CYP2E1: variants seen among roughly 807,000 people sequenced by gnomAD.
The protein encoded by CYP2E1 is cytochrome P450 family 2 subfamily E member 1, also known as cytochrome P450 2E1.
Under a neutral mutation model 42.9 loss-of-function variants are expected in CYP2E1, and 31 were observed. The ratio of observed to expected loss-of-function variants is 0.72; its 90% confidence interval spans 0.54 to 0.98. The LOEUF is 0.98. CYP2E1 is among the 50% of genes least tolerant of loss of function. The pLI is 0.00. For synonymous variants in CYP2E1, 244 were observed against 248.9 expected, an observed-to-expected ratio of 0.98 and a Z score of 0.19; for missense variants, 565 against 633.2, an observed-to-expected ratio of 0.89 and a Z score of 1.16.
intron 8 of CYP2E1, among the ~76,000 whole-genome samples, chr10:133,538,530 G>T (rs41299440): frequency 6.6e-6 from 1 of 152,148 alleles, no homozygotes; most frequent in African/African-American, 2.4e-5. Flanking sequence ...ACTTAACACC[G>T]GTTTTTGCAG....
chr10:133,528,434 C>T (rs1361030717), intron 1 of CYP2E1, 47 bp from the exon 2 acceptor site: 2 of 1,605,366 alleles, frequency 1.2e-6, no homozygotes, highest in East Asian at 2.2e-5. Context: ...AGCCCCGCAC[C>T]TCCTCGCCGC....
rs370079094 is a variant in CYP2E1 at position 133,537,045 on chromosome 10, C to G, written c.968-18C>G. 6.2e-7 allele frequency: 1 copy of G among 1,607,072 alleles called. No individual in the cohort carries two copies. The highest frequency in any genetic ancestry group is 1.1e-5 in the South Asian group (1 of 90,188). ...CAGGAACCAATCCCTGAAATTTGTC[C>G]CATTCATATCTTGGCAGAGAAGCTC... On this transcript the variant is annotated intron_variant, in intron 6 of 8. Coordinates refer to ENST00000252945, the MANE Select transcript of CYP2E1 (RefSeq NM_000773.4).
chr10:133,537,304 G>A (rs952916983), intron 7 of CYP2E1, 54 bp downstream of exon 7: 35 of 1,567,188 alleles, frequency 2.2e-5, no homozygotes, highest in African/African-American at 9.5e-5. Context: ...TCAGCTAATC[G>A]CCTTCCTGCC....
At chr10:133,531,052 C>T (rs1395808997) in intron 2 of CYP2E1, among the ~76,000 whole-genome samples, 1 of 152,154 alleles carries the variant, frequency 6.6e-6, no homozygotes, top group Non-Finnish European at 1.5e-5. Context: ...TTGGTTTTCC[C>T]AGCTCTGATG....
chr10:133,528,392 A>G, intron 1 of CYP2E1, 89 bp from the exon 2 acceptor site: 1 of 1,496,054 alleles, frequency 6.7e-7, no homozygotes, highest in Non-Finnish European at 9.1e-7. Context: ...CTAGAGCAAC[A>G]GCAATACCCG....
rs886491922 is a variant in CYP2E1 at position 133,529,849 on chromosome 10, T to C, written c.337+1209T>C. ...AATTAGTGGCATTTGGTTTTCCTTCTTCTGCATTGTGGGTTTTACTTCTCT... is the reference window on the plus strand; with the variant it reads ...AATTAGTGGCATTTGGTTTTCCTTCCTCTGCATTGTGGGTTTTACTTCTCT... On this transcript the variant is annotated intron_variant, in intron 2 of 8. Coordinates refer to ENST00000252945, the MANE Select transcript of CYP2E1 (RefSeq NM_000773.4). Among the ~76,000 whole-genome samples, 6 of 152,300 alleles carry C rather than the reference T, an allele frequency of 3.9e-5. No individual in the cohort carries two copies. The East Asian group carries it at 7.7e-4, about 20-fold the overall frequency.
rs59981143 is a variant in CYP2E1 at position 133,537,212 on chromosome 10, A to G, written c.1117A>G (p.Thr373Ala). 1.4e-4 allele frequency: 232 copies of G among 1,614,000 alleles called. No homozygotes were observed. The African/African-American group carries it at 2.7e-3, about 19-fold the overall frequency. ...GCCCTCCAACCTGCCCCATGAAGCAACCCGAGACACCATTTTCAGAGGATA... is the reference window on the plus strand; with the variant it reads ...GCCCTCCAACCTGCCCCATGAAGCAGCCCGAGACACCATTTTCAGAGGATA... ...LVPSNLPHEA[T>A]RDTIFRGYLI... Residue 373 changes from threonine to alanine, a missense_variant, in exon 7 of 9, where the codon ACC (threonine) becomes GCC (alanine). Physicochemically the swap from Thr to Ala is moderately conservative, Grantham distance 58 (BLOSUM62 0). Transcript: ENST00000252945.
Position 133,533,860 on chromosome 10 carries a change from T to C in CYP2E1, c.930T>C (p.Tyr310=). The C allele has an allele frequency of 6.2e-7, 1 of 1,614,120 alleles. No individual in the cohort carries two copies. Among genetic ancestry groups the C allele is most frequent in the East Asian group, 2.2e-5 (1 of 44,882 alleles). Reference sequence around the variant, plus strand: ...AGACCACCAGCACAACTCTGAGATATGGGCTCCTGATTCTCATGAAATACC... The same window carrying C: ...AGACCACCAGCACAACTCTGAGATACGGGCTCCTGATTCTCATGAAATACC... The part of the protein sequence containing the change: ...GTETTSTTLR[Y]GLLILMKYPE... The change falls in exon 6 of 9, where the codon TAT becomes TAC. Residue 310 remains tyrosine, a synonymous_variant. Transcript: ENST00000252945.
chr10:133,533,067 T>C (rs1039033378), intron 5 of CYP2E1, among the ~76,000 whole-genome samples, 199 bp downstream of exon 5: 1 of 152,214 alleles, frequency 6.6e-6, no homozygotes, highest in African/African-American at 2.4e-5. Flanking sequence ...GGCCTGGGGC[T>C]TTGGGGTCAC....
chr10:133,534,939 A>G (rs1851380457), intron 6 of CYP2E1, among the ~76,000 whole-genome samples: 1 of 151,196 alleles, frequency 6.6e-6, no homozygotes, highest in Non-Finnish European at 1.5e-5. Context: ...ATCATGGCTC[A>G]TTGTAGCTTC....
At chr10:133,531,845 A>T (rs1278529366) in intron 3 of CYP2E1, 111 bp downstream of exon 3, 1 of 1,184,980 alleles carries the variant, frequency 8.4e-7, no homozygotes. Context: ...ACGGACAAGG[A>T]GAGGGTCTCG....
intron 7 of CYP2E1, 39 bp from the exon 8 acceptor site, chr10:133,537,712 G>C: frequency 1.3e-6 from 2 of 1,582,942 alleles, no homozygotes; most frequent in Non-Finnish European, 1.7e-6. Context: ...CCCACATTTT[G>C]TTAACATGAC....
chr10:133,536,972 A>G (rs1232118860), intron 6 of CYP2E1, 91 bp from the exon 7 acceptor site: 2 of 1,229,782 alleles, frequency 1.6e-6, no homozygotes, highest in Admixed American at 1.8e-5. Flanking sequence ...AGATGGATAA[A>G]AGCGTGATTG....
At chr10:133,535,332 C>G (rs1851383978) in intron 6 of CYP2E1, among the ~76,000 whole-genome samples, 1 of 150,208 alleles carries the variant, frequency 6.7e-6, no homozygotes, top group African/African-American at 2.4e-5. Flanking sequence ...AAGAATCAGT[C>G]TAAAAAAAAA....
intron 3 of CYP2E1, 46 bp downstream of exon 3, chr10:133,531,780 C>A: frequency 6.5e-7 from 1 of 1,531,794 alleles, no homozygotes; most frequent in Non-Finnish European, 8.8e-7. Context: ...TGCAGACCAG[C>A]GGTGTGGGGA....
Position 133,528,647 on chromosome 10 carries a change from C to G in CYP2E1, c.337+7C>G, listed in dbSNP as rs755576271. The G allele has an allele frequency of 3.7e-6, 6 of 1,612,798 alleles. No homozygotes were observed. Among genetic ancestry groups the G allele is most frequent in the Non-Finnish European group, 5.1e-6 (6 of 1,179,878 alleles). On this transcript the variant is annotated splice_region_variant and intron_variant, in intron 2 of 8. Transcript: ENST00000252945. ...CATGCGCACAGGGACAGGGGTGAGT[C>G]CGCGTCCCTGGCACGGAGCGGGGGG...
intron 2 of CYP2E1, among the ~76,000 whole-genome samples, chr10:133,529,310 C>T (rs1851310181): frequency 6.6e-6 from 1 of 152,224 alleles, no homozygotes; most frequent in African/African-American, 2.4e-5. Context: ...TTTATCTGCG[C>T]ATTCTCCCAG....
intron 2 of CYP2E1, among the ~76,000 whole-genome samples, chr10:133,528,914 C>G (rs1191286193): frequency 6.6e-6 from 1 of 152,172 alleles, no homozygotes; most frequent in Admixed American, 6.5e-5. Context: ...GTCGCCGCCC[C>G]CACCCCCACC....
Position 133,527,404 on chromosome 10 carries a change from C to G in CYP2E1, c.9C>G (p.Ala3=). 6.2e-7 allele frequency: 1 copy of G among 1,609,506 alleles called. No individual in the cohort carries two copies. The highest frequency in any genetic ancestry group is 8.5e-7 in the Non-Finnish European group (1 of 1,177,784). ...AGGGCCCCAGCGGCACCATGTCTGC[C>G]CTCGGAGTCACCGTGGCCCTGCTGG... MS[A]LGVTVALLVW... Residue 3 remains alanine, a synonymous_variant, in exon 1 of 9, where the codon GCC becomes GCG. Coordinates refer to ENST00000252945, the MANE Select transcript of CYP2E1 (RefSeq NM_000773.4).
Sources: gnomAD v4.1 joint callset for allele counts (sites outside exome capture counted in the v4.1 genomes callset) on GRCh38, gnomAD v4.1.1 for gene constraint, MANE v1.5 for transcripts, NCBI Gene and HGNC (gene_info 2026-07-23, HGNC 2026-07-21) for gene names.